HS6ST3: variants seen among roughly 807,000 people sequenced by gnomAD.
The protein encoded by HS6ST3 is heparan-sulfate 6-O-sulfotransferase 3.
In HS6ST3, 12 loss-of-function variants were observed where a neutral mutation model predicts 36.7. The observed-to-expected ratio is 0.33, with a 90% CI of 0.21 to 0.53. The LOEUF is 0.53. Ranked by LOEUF, HS6ST3 falls within the 20% of genes least tolerant of loss-of-function variation. The pLI, the probability that HS6ST3 is intolerant of heterozygous loss-of-function variation, is 0.95. For missense variants in HS6ST3, 584 were observed against 640.9 expected (o/e 0.91, Z 0.96); for synonymous variants, 240 against 257.5 (o/e 0.93, Z 0.65).
At chr13:96,491,769 A>G (rs986749301) in intron 1 of HS6ST3, among the ~76,000 whole-genome samples, 21 of 152,188 alleles carry the variant, frequency 1.4e-4, no homozygotes, top group Admixed American at 9.8e-4. Context: ...CCCTTCATGT[A>G]GCCTAAGTCA....
At chr13:96,145,394 C>G (rs1287814078) in intron 1 of HS6ST3, among the ~76,000 whole-genome samples, 1 of 151,744 alleles carries the variant, frequency 6.6e-6, no homozygotes, top group African/African-American at 2.4e-5. Flanking sequence ...TTGCATTTCT[C>G]TGATGGCCAG....
chr13:96,260,540 C>G (rs1297959091), intron 1 of HS6ST3, among the ~76,000 whole-genome samples: 1 of 152,064 alleles, frequency 6.6e-6, no homozygotes, highest in African/African-American at 2.4e-5. Flanking sequence ...GTCTCGATTT[C>G]CTGACCTCGT....
intron 1 of HS6ST3, among the ~76,000 whole-genome samples, chr13:96,671,515 G>A (rs563259249): frequency 6.6e-6 from 1 of 152,198 alleles, no homozygotes; most frequent in Non-Finnish European, 1.5e-5. Flanking sequence ...ACCACAGACT[G>A]GGTGACTTAA....
At chr13:96,195,156 T>A (rs1450258151) in intron 1 of HS6ST3, among the ~76,000 whole-genome samples, 1 of 152,202 alleles carries the variant, frequency 6.6e-6, no homozygotes, top group Non-Finnish European at 1.5e-5. Flanking sequence ...TTTTCTTTTT[T>A]AAAATGTCAA....
In HS6ST3 at chr13:96,799,998, GTATATATATATATATGTA is replaced by G. The variant is rs1594863114; in HGVS notation, c.708-32480_708-32463del. On this transcript the variant is annotated intron_variant, in intron 1 of 1. Coordinates refer to ENST00000376705, the MANE Select transcript of HS6ST3 (RefSeq NM_153456.4). ...TATATATATGTATATATATATATAT[GTATATATATATATATGTA>G]TATATATATATGGAAGAGAGAAAGA... Among the ~76,000 whole-genome samples, 20 of 75,312 alleles carry G rather than the reference GTATATATATATATATGTA, an allele frequency of 2.7e-4. 1 individual carries two copies. The highest frequency in any genetic ancestry group is 1.7e-3 in the African/African-American group (19 of 11,056). The allele number at this position is 75,312 out of a possible 152,430, so 49.4% of individuals were successfully genotyped here.
intron 1 of HS6ST3, among the ~76,000 whole-genome samples, chr13:96,580,037 A>G (rs1025104406): frequency 6.6e-6 from 1 of 151,988 alleles, no homozygotes; most frequent in Non-Finnish European, 1.5e-5. Flanking sequence ...TTTACTATAT[A>G]ATACCTTAAG....
chr13:96,732,029 T>G (rs964527640), intron 1 of HS6ST3, among the ~76,000 whole-genome samples: 1 of 152,314 alleles, frequency 6.6e-6, no homozygotes, highest in African/African-American at 2.4e-5. Context: ...CCACAAACAG[T>G]GTGCAAGGCC....
At chr13:96,416,993 G>A (rs191306245) in intron 1 of HS6ST3, among the ~76,000 whole-genome samples, 1 of 151,830 alleles carries the variant, frequency 6.6e-6, no homozygotes, top group Non-Finnish European at 1.5e-5. Flanking sequence ...CTTGTGATCC[G>A]CCCGCCTCTG....
chr13:96,266,232 G>A (rs746026671), intron 1 of HS6ST3, among the ~76,000 whole-genome samples: 5 of 152,158 alleles, frequency 3.3e-5, no homozygotes, highest in Non-Finnish European at 5.9e-5. Context: ...TCAGATCAGA[G>A]TGTCATTCAT....
intron 1 of HS6ST3, among the ~76,000 whole-genome samples, chr13:96,788,723 A>C (rs186389669): frequency 1.5e-3 from 228 of 151,992 alleles, no homozygotes; most frequent in Non-Finnish European, 2.4e-3. Flanking sequence ...GTGCATACAC[A>C]TTTAGGATTA....
chr13:96,560,660 A>G (rs2056258561), intron 1 of HS6ST3, among the ~76,000 whole-genome samples: 1 of 152,238 alleles, frequency 6.6e-6, no homozygotes, highest in Non-Finnish European at 1.5e-5. Context: ...TGGAACTGAT[A>G]AACAATTTCA....
intron 1 of HS6ST3, among the ~76,000 whole-genome samples, chr13:96,213,276 T>G (rs1394091438): frequency 6.6e-6 from 1 of 152,274 alleles, no homozygotes; most frequent in African/African-American, 2.4e-5. Context: ...GATCCAGTGT[T>G]GGACTGTGCC....
intron 1 of HS6ST3, among the ~76,000 whole-genome samples, chr13:96,373,919 C>A (rs2055302583): frequency 1.3e-5 from 2 of 152,178 alleles, no homozygotes; most frequent in African/African-American, 4.8e-5. Flanking sequence ...TAGTTTAAAT[C>A]TGCTTTCCTT....
chr13:96,492,316 G>T (rs963800764), intron 1 of HS6ST3, among the ~76,000 whole-genome samples: 3 of 152,202 alleles, frequency 2.0e-5, no homozygotes, highest in African/African-American at 7.2e-5. Flanking sequence ...CTTTGGAAAG[G>T]TTAGCATCTT....
rs76624601 is a variant in HS6ST3, at chr13:96,152,133, C to G, written c.707+60564C>G. Among the ~76,000 whole-genome samples, 901 of 152,230 alleles carry G rather than the reference C, an allele frequency of 5.9e-3. 9 individuals are homozygous for G. The highest frequency in any genetic ancestry group is 0.048 in the Middle Eastern group (14 of 294). Reference sequence around the variant, plus strand: ...AATCTGCTCTTGAATACTTTCTTTTCTGTCTCTCAAGATATAAAGTTACAT... The same window carrying G: ...AATCTGCTCTTGAATACTTTCTTTTGTGTCTCTCAAGATATAAAGTTACAT... On this transcript the variant is annotated intron_variant, in intron 1 of 1. Coordinates refer to ENST00000376705, the MANE Select transcript of HS6ST3 (RefSeq NM_153456.4).
chr13:96,754,615 G>A (rs370754372), intron 1 of HS6ST3, among the ~76,000 whole-genome samples: 1 of 152,070 alleles, frequency 6.6e-6, no homozygotes, highest in Non-Finnish European at 1.5e-5. Flanking sequence ...CAGTTCAGTG[G>A]GTCTATAGCT....
At chr13:96,296,990 C>T (rs1378513004) in intron 1 of HS6ST3, among the ~76,000 whole-genome samples, 2 of 152,020 alleles carry the variant, frequency 1.3e-5, no homozygotes, top group Non-Finnish European at 2.9e-5. Context: ...CTGCTCCTAA[C>T]TTTATCTTGC....
At chr13:96,636,154 A>T (rs970002142) in intron 1 of HS6ST3, among the ~76,000 whole-genome samples, 2 of 152,138 alleles carry the variant, frequency 1.3e-5, no homozygotes, top group African/African-American at 4.8e-5. Context: ...TAAGCCAAGA[A>T]GTGAGGGTAC....
chr13:96,116,373 A>G (rs906113794), intron 1 of HS6ST3, among the ~76,000 whole-genome samples: 6 of 152,124 alleles, frequency 3.9e-5, no homozygotes, highest in Non-Finnish European at 7.4e-5. Context: ...CCCTGACCCA[A>G]CTGTGGGGTG....
Sources: allele counts gnomAD v4.1 joint callset (sites outside exome capture counted in the v4.1 genomes callset), GRCh38; gene constraint gnomAD v4.1.1; transcripts MANE v1.5; gene names NCBI Gene and HGNC (gene_info 2026-07-23, HGNC 2026-07-21).